Variants in HCN1 observed in about 807,000 individuals in gnomAD.
HCN1 encodes the protein hyperpolarization activated cyclic nucleotide gated potassium channel 1, also known as potassium/sodium hyperpolarization-activated cyclic nucleotide-gated channel 1.
In HCN1, 13 loss-of-function variants were observed where a neutral mutation model predicts 78.9. That is an observed-to-expected ratio of 0.16 (90% confidence interval 0.11 to 0.26). The LOEUF (loss-of-function observed/expected upper bound fraction) is 0.26. Among genes scored for constraint, HCN1 ranks in the 10% least tolerant of loss-of-function variants. The probability of loss-of-function intolerance (pLI) is 1.00; values close to 1 mark genes in which losing one functional copy is unlikely to be tolerated. For synonymous variants in HCN1, 552 were observed against 455.5 expected, an observed-to-expected ratio of 1.21 and a Z score of -2.70; for missense variants, 810 against 1,154.3, an observed-to-expected ratio of 0.70 and a Z score of 4.32.
intron 2 of HCN1, chr5:45,644,840 CA>C: frequency 3.5e-6 from 1 of 289,272 alleles, no homozygotes; most frequent in Non-Finnish European, 6.4e-6. Context: ...ACATCTTTAT[CA>C]AAATAATGGT....
At chr5:45,408,224 A>G (rs1312547462) in intron 3 of HCN1, among the ~76,000 whole-genome samples, 1 of 152,172 alleles carries the variant, frequency 6.6e-6, no homozygotes, top group Non-Finnish European at 1.5e-5. Context: ...CAGTGTTTAT[A>G]AAGTCTACAG....
chr5:45,447,147 C>T (rs10044642), intron 3 of HCN1, among the ~76,000 whole-genome samples: 7,867 of 152,170 alleles, frequency 0.052, 485 homozygotes, highest in African/African-American at 0.15. Context: ...ACCCATCTCA[C>T]GTGCAGAGAC....
chr5:45,410,129 T>C (rs751896579), intron 3 of HCN1, among the ~76,000 whole-genome samples: 10 of 151,974 alleles, frequency 6.6e-5, no homozygotes, highest in Non-Finnish European at 1.5e-4. Flanking sequence ...ATAGATCTCT[T>C]ACAAGGAACT....
chr5:45,272,498 C>T (rs936058201), intron 6 of HCN1, among the ~76,000 whole-genome samples: 3 of 151,948 alleles, frequency 2.0e-5, no homozygotes, highest in African/African-American at 7.3e-5. Context: ...CCTTATAGTG[C>T]CTGCTACATT....
intron 3 of HCN1, among the ~76,000 whole-genome samples, chr5:45,417,609 G>T (rs1000312630): frequency 6.6e-5 from 10 of 151,546 alleles, no homozygotes; most frequent in African/African-American, 2.4e-4. Flanking sequence ...GAATTTTTTA[G>T]ACCTTCTGAA....
intron 3 of HCN1, among the ~76,000 whole-genome samples, chr5:45,424,987 C>T (rs1740315978): frequency 1.3e-5 from 2 of 152,070 alleles, no homozygotes; most frequent in African/African-American, 2.4e-5. Flanking sequence ...CATTAACGGT[C>T]CATAGTTTGG....
At chr5:45,434,705 C>A (rs2112080534) in intron 3 of HCN1, among the ~76,000 whole-genome samples, 1 of 152,152 alleles carries the variant, frequency 6.6e-6, no homozygotes, top group Non-Finnish European at 1.5e-5. Context: ...TTGGTAATAG[C>A]TAATATTTTG....
chr5:45,520,569 C>G (rs1438560448), intron 2 of HCN1, among the ~76,000 whole-genome samples: 1 of 151,868 alleles, frequency 6.6e-6, no homozygotes, highest in African/African-American at 2.4e-5. Flanking sequence ...CTTTCCCTGA[C>G]CCTATTATCT....
chr5:45,427,043 T>C (rs980843665), intron 3 of HCN1, among the ~76,000 whole-genome samples: 4 of 152,138 alleles, frequency 2.6e-5, no homozygotes, highest in Non-Finnish European at 5.9e-5. Context: ...ATACCTATAA[T>C]ATGACACACA....
chr5:45,424,248 G>C (rs929357726), intron 3 of HCN1, among the ~76,000 whole-genome samples: 1 of 151,822 alleles, frequency 6.6e-6, no homozygotes, highest in Admixed American at 6.6e-5. Context: ...GGCAGAGATC[G>C]CACCACTGCA....
chr5:45,343,404 G>C (rs1470100476), intron 5 of HCN1, among the ~76,000 whole-genome samples: 1 of 152,218 alleles, frequency 6.6e-6, no homozygotes, highest in Non-Finnish European at 1.5e-5. Context: ...TAAGGGAACA[G>C]TGAAAATAGT....
At chr5:45,593,370 A>ACACCCCCC (rs1554034748) in intron 2 of HCN1, among the ~76,000 whole-genome samples, 1 of 135,118 alleles carries the variant, frequency 7.4e-6, no homozygotes, top group Non-Finnish European at 1.6e-5. Flanking sequence ...ACACACACAC[A>ACACCCCCC]CCCCACATGT....
At chr5:45,366,788 C>T (rs968923936) in intron 4 of HCN1, among the ~76,000 whole-genome samples, 4 of 151,634 alleles carry the variant, frequency 2.6e-5, no homozygotes, top group East Asian at 1.9e-4. Flanking sequence ...TTTTCAAAAG[C>T]GAAAAATTCT....
intron 4 of HCN1, among the ~76,000 whole-genome samples, chr5:45,391,850 A>T (rs1349652602): frequency 6.6e-6 from 1 of 152,180 alleles, no homozygotes; most frequent in Middle Eastern, 3.2e-3. Context: ...AGAGAGAGTA[A>T]ATACGGTAAA....
intron 2 of HCN1, among the ~76,000 whole-genome samples, chr5:45,504,239 T>A (rs1011085268): frequency 6.6e-6 from 1 of 152,054 alleles, no homozygotes; most frequent in Non-Finnish European, 1.5e-5. Flanking sequence ...TCCTAATGCT[T>A]TCCCTCCCCT....
chr5:45,527,935 T>TG (rs1742772301), intron 2 of HCN1, among the ~76,000 whole-genome samples: 1 of 146,188 alleles, frequency 6.8e-6, no homozygotes, highest in African/African-American at 2.6e-5. Flanking sequence ...ATTTAGGGTT[T>TG]TTTTTTTTTT....
rs149744675 is a variant in HCN1 at position 45,261,221 on chromosome 5, T to C, written c.*700A>G. Reference sequence around the variant, plus strand: ...TGAAAAAGTTATTTACAACTAACATTGATCGAGTCTTGGTAAAAGTCCGAT... The same window carrying C: ...TGAAAAAGTTATTTACAACTAACATCGATCGAGTCTTGGTAAAAGTCCGAT... On this transcript the variant is annotated 3_prime_UTR_variant, in exon 8 of 8. Transcript: ENST00000303230. 6.5e-6 allele frequency: 1 copy of C among 152,774 alleles called. No individual in the cohort carries two copies. Among genetic ancestry groups the C allele is most frequent in the African/African-American group, 2.4e-5 (1 of 41,570 alleles). 9.5% of individuals were successfully genotyped at this position (152,774 alleles called of 1,614,324 possible). A position where few individuals can be genotyped will look rare whatever the true frequency, so the allele number is the denominator to read the frequency against.
At chr5:45,351,002 C>A (rs1287931089) in intron 5 of HCN1, among the ~76,000 whole-genome samples, 1 of 152,120 alleles carries the variant, frequency 6.6e-6, no homozygotes, top group Non-Finnish European at 1.5e-5. Context: ...CAATGACTGT[C>A]TTCACAGAAT....
chr5:45,409,739 C>G lies in HCN1; in HGVS notation c.1012-13029G>C, dbSNP rs994662586. 3.3e-5 allele frequency among the ~76,000 whole-genome samples: 5 copies of G among 151,844 alleles called. No individual in the cohort carries two copies. In the East Asian group the frequency reaches 9.6e-4, roughly 29 times the overall value. On this transcript the variant is annotated intron_variant, in intron 3 of 7. Coordinates refer to ENST00000303230, the MANE Select transcript of HCN1 (RefSeq NM_021072.4). ...TTATGGTAGACTGACTTTTATCCAT[C>G]AATTCATAGAAAGTTGGAATTGTAA...
Sources: allele counts gnomAD v4.1 joint callset (sites outside exome capture counted in the v4.1 genomes callset), GRCh38; gene constraint gnomAD v4.1.1; transcripts MANE v1.5; gene names NCBI Gene and HGNC (gene_info 2026-07-23, HGNC 2026-07-21).